The following SBF2 variants were observed in gnomAD, a reference collection of about 807,000 sequenced individuals.
The protein encoded by SBF2 is myotubularin-related protein 13.
Under a neutral mutation model 225.2 loss-of-function variants are expected in SBF2, and 112 were observed. The ratio of observed to expected loss-of-function variants is 0.50; its 90% CI spans 0.43 to 0.58. SBF2 has a LOEUF of 0.58. SBF2 is among the 20% of genes least tolerant of loss of function. SBF2 has a pLI of 0.00. For synonymous variants in SBF2, 763 were observed against 773.3 expected, an observed-to-expected ratio of 0.99 and a Z score of 0.22; for missense variants, 1,996 against 2,206.2, an observed-to-expected ratio of 0.90 and a Z score of 1.91.
At position 9,792,636 on chromosome 11, in the gene SBF2, G is replaced by A. The variant is rs1170742079; in HGVS notation, c.4571-1953C>T. On this transcript the variant is annotated intron_variant, in intron 33 of 39. Coordinates refer to ENST00000256190, the MANE Select transcript of SBF2 (RefSeq NM_030962.4). ...GCAACCTAGTCTGGACTAGGGACAC[G>A]AAACTAGGCTTCCTTGATGTTGATT... 2.6e-5 allele frequency among the ~76,000 whole-genome samples: 4 copies of A among 152,138 alleles called. No homozygotes were observed. The South Asian group carries it at 6.2e-4, about 24-fold the overall frequency.
At chr11:9,786,844 T>C (rs360128) in intron 36 of SBF2, among the ~76,000 whole-genome samples, 9,918 of 152,214 alleles carry the variant, frequency 0.065, 878 homozygotes, top group African/African-American at 0.2. Context: ...AAATCAGAAA[T>C]AGGAAATGGG....
intron 2 of SBF2, among the ~76,000 whole-genome samples, chr11:10,121,566 A>G (rs7110312): frequency 0.48 from 73,184 of 152,018 alleles, 17,941 homozygotes; most frequent in Admixed American, 0.58. Flanking sequence ...TATTCTCGAA[A>G]CCAATTTTAC....
At position 10,193,912 on chromosome 11, in the gene SBF2, C is replaced by T. The variant is rs1307447017; in HGVS notation, c.131G>A (p.Gly44Glu). 3.7e-6 allele frequency: 6 copies of T among 1,610,078 alleles called. No individual in the cohort carries two copies. Among genetic ancestry groups the T allele is most frequent in the African/African-American group, 1.3e-5 (1 of 74,812 alleles). Residue 44 changes from glycine (G) to glutamate (E), a missense_variant, in exon 2 of 40, where the codon GGA becomes GAA. Gly to Glu is a moderately conservative substitution (Grantham distance 98). Transcript: ENST00000256190. ...ACAACAACCACTTACCAACTCAATT[C>T]CCTGTGGAAAAGGTGTATCATCCCA... Reference protein sequence around the residue: ...KDWDDTPFPQGIELFCQPGGW... With the variant: ...KDWDDTPFPQEIELFCQPGGW...
intron 2 of SBF2, among the ~76,000 whole-genome samples, chr11:10,067,944 C>G (rs1590879201): frequency 6.6e-6 from 1 of 152,252 alleles, no homozygotes; most frequent in East Asian, 1.9e-4. Context: ...CAGAAACCCA[C>G]ACATAGAAGG....
chr11:10,215,577 C>T (rs561035635), intron 1 of SBF2, among the ~76,000 whole-genome samples: 3 of 152,116 alleles, frequency 2.0e-5, no homozygotes, highest in Admixed American at 6.5e-5. Flanking sequence ...GAGCCGTGAC[C>T]GTACCACTGC....
intron 1 of SBF2, among the ~76,000 whole-genome samples, chr11:10,291,248 G>A (rs1964139909): frequency 1.3e-5 from 2 of 152,122 alleles, no homozygotes; most frequent in South Asian, 2.1e-4. Flanking sequence ...TCATGGTGGT[G>A]GAGTCCTTGT....
rs190706393 is a variant in SBF2, at chr11:9,893,883, C to A, written c.1929+2060G>T. ...TAGTAGTTGCTCCCTATATTTTATT[C>A]CTGCATTCTTACGAATTCTCTTTAC... On this transcript the variant is annotated intron_variant, in intron 17 of 39. Transcript: ENST00000256190. Among the ~76,000 whole-genome samples the A allele has an allele frequency of 1.3e-3, 203 of 152,296 alleles. 1 individual carries two copies. Among genetic ancestry groups the A allele is most frequent in the Non-Finnish European group, 8.8e-5 (6 of 68,034 alleles).
At chr11:10,122,283 G>GC (rs1953502233) in intron 2 of SBF2, among the ~76,000 whole-genome samples, 1 of 152,162 alleles carries the variant, frequency 6.6e-6, no homozygotes, top group Admixed American at 6.5e-5. Context: ...GATGAAAAAG[G>GC]CATTAAATTT....
At chr11:10,047,612 C>G (rs1007025614) in intron 2 of SBF2, among the ~76,000 whole-genome samples, 1 of 152,082 alleles carries the variant, frequency 6.6e-6, no homozygotes, top group Non-Finnish European at 1.5e-5. Flanking sequence ...TGACATTTTC[C>G]TCTTTTGTAC....
intron 2 of SBF2, among the ~76,000 whole-genome samples, chr11:10,185,978 GAC>G (rs1369826346): frequency 1.3e-5 from 2 of 152,084 alleles, no homozygotes; most frequent in Non-Finnish European, 2.9e-5. Context: ...GTTTGAATAA[GAC>G]ACAGTTACCC....
chr11:10,165,010 T>C (rs1197501722), intron 2 of SBF2: 3 of 152,248 alleles, frequency 2.0e-5, no homozygotes, highest in African/African-American at 7.2e-5. Context: ...TATGGATTCC[T>C]TGCTTCCCAG....
chr11:10,171,877 T>C (rs1416597485), intron 2 of SBF2, among the ~76,000 whole-genome samples: 2 of 152,208 alleles, frequency 1.3e-5, no homozygotes, highest in Non-Finnish European at 2.9e-5. Context: ...TCTTGGTACG[T>C]TGTAAATCTC....
At chr11:10,100,996 G>C (rs769743855) in intron 2 of SBF2, among the ~76,000 whole-genome samples, 12 of 152,138 alleles carry the variant, frequency 7.9e-5, no homozygotes, top group Non-Finnish European at 1.5e-4. Context: ...GGATACTCTC[G>C]GAGTTCTTGG....
chr11:9,847,764 C>T (rs903769050), intron 22 of SBF2, among the ~76,000 whole-genome samples: 2 of 151,946 alleles, frequency 1.3e-5, no homozygotes, highest in Non-Finnish European at 2.9e-5. Context: ...AGATGAGAGT[C>T]TAGAAAAAAA....
chr11:9,905,916 C>G (rs1467751554), intron 16 of SBF2, among the ~76,000 whole-genome samples: 1 of 152,050 alleles, frequency 6.6e-6, no homozygotes. Flanking sequence ...CAGTCATTAC[C>G]TTGGAGTCGT....
rs551788189 is a variant in SBF2, at chr11:10,172,506, C to T, written c.141+21396G>A. ...AGCTGGGATTACAGGCACCTGCCACCGCGCCCGGCTAATTTTTTTATTTTT... is the reference window on the plus strand; with the variant it reads ...AGCTGGGATTACAGGCACCTGCCACTGCGCCCGGCTAATTTTTTTATTTTT... On this transcript the variant is annotated intron_variant, in intron 2 of 39. Coordinates refer to ENST00000256190, the MANE Select transcript of SBF2 (RefSeq NM_030962.4). 7.2e-5 allele frequency among the ~76,000 whole-genome samples: 11 copies of T among 152,148 alleles called. No individual in the cohort carries two copies. The South Asian group carries it at 1.7e-3, about 23-fold the overall frequency.
intron 1 of SBF2, among the ~76,000 whole-genome samples, chr11:10,217,885 T>C (rs1188730942): frequency 2.0e-5 from 3 of 152,104 alleles, no homozygotes; most frequent in Non-Finnish European, 2.9e-5. Context: ...GGAAGGCAAA[T>C]GAGGAGCAAA....
At chr11:10,126,994 A>G (rs1178285257) in intron 2 of SBF2, among the ~76,000 whole-genome samples, 2 of 152,116 alleles carry the variant, frequency 1.3e-5, no homozygotes, top group Non-Finnish European at 2.9e-5. Context: ...GGCAAATCAT[A>G]GAGACATACA....
intron 16 of SBF2, among the ~76,000 whole-genome samples, chr11:9,897,741 T>C (rs567200820): frequency 6.6e-6 from 1 of 152,338 alleles, no homozygotes; most frequent in South Asian, 2.1e-4. Flanking sequence ...TTTAAACTCA[T>C]AGAGCTGGGA....
Sources: allele counts gnomAD v4.1 joint callset (sites outside exome capture counted in the v4.1 genomes callset), GRCh38; gene constraint gnomAD v4.1.1; transcripts MANE v1.5; gene names NCBI Gene and HGNC (gene_info 2026-07-23, HGNC 2026-07-21).